TMEM143: variants seen among roughly 807,000 people sequenced by gnomAD.
The protein encoded by TMEM143 is transmembrane protein 143.
TMEM143 carries 45 observed loss-of-function variants against 40.3 expected under a neutral mutation model. The observed-to-expected ratio is 1.12, with a 90% CI of 0.88 to 1.43. The LOEUF (loss-of-function observed/expected upper bound fraction) is 1.43. Among genes scored for constraint, TMEM143 ranks in the 40% most tolerant of loss-of-function variants. The probability of loss-of-function intolerance (pLI) is 0.00; values close to 1 mark genes in which losing one functional copy is unlikely to be tolerated. For missense variants in TMEM143, 620 were observed against 613.4 expected (o/e 1.01, Z -0.11); for synonymous variants, 299 against 282.7 (o/e 1.06, Z -0.58).
At chr19:48,355,395 T>C (rs115601529) in intron 3 of TMEM143, among the ~76,000 whole-genome samples, 1,547 of 152,208 alleles carry the variant, frequency 0.01, 28 homozygotes, top group African/African-American at 0.035. Context: ...AGGTGCCCTG[T>C]GGAAGAGCTT....
chr19:48,339,247 T>C (rs565777096), intron 6 of TMEM143, among the ~76,000 whole-genome samples: 2 of 152,192 alleles, frequency 1.3e-5, no homozygotes, highest in South Asian at 4.1e-4. Flanking sequence ...AGGTCATCCT[T>C]AGATGCGGAG....
rs139696134 is a variant in TMEM143 at position 48,354,052 on chromosome 19, G to A, written c.369+6020C>T. On this transcript the variant is annotated intron_variant, in intron 3 of 7. Coordinates refer to ENST00000293261, the MANE Select transcript of TMEM143 (RefSeq NM_018273.4). ...TGGCTCACTGCAGCCTCCGCCTCCC[G>A]GGTTCAAGTAATTATCCTGCCTCAG... Among the ~76,000 whole-genome samples, 307 of 151,746 alleles carry A rather than the reference G, an allele frequency of 2.0e-3. 3 individuals are homozygous for A. Among genetic ancestry groups the A allele is most frequent in the African/African-American group, 7.1e-3 (294 of 41,292 alleles).
In TMEM143 at chr19:48,345,303, G is replaced by T; in HGVS notation, c.421C>A (p.Leu141Ile). The change falls in exon 4 of 8, where the codon CTA (leucine) becomes ATA (isoleucine). Residue 141 changes from leucine to isoleucine, a missense_variant. Physicochemically the swap from Leu to Ile is conservative, Grantham distance 5 (BLOSUM62 2). Transcript: ENST00000293261. Reference protein sequence around the residue: ...PDRETLDQPSLTDPQRLSNEQ... With the variant: ...PDRETLDQPSITDPQRLSNEQ... ...TTAGACAGACGCTGGGGATCCGTTA[G>T]TGATGGCTGATCGAGGGTCTCCCTG... 6.2e-7 allele frequency: 1 copy of T among 1,602,992 alleles called. No homozygotes were observed. The highest frequency in any genetic ancestry group is 8.5e-7 in the Non-Finnish European group (1 of 1,174,924).
intron 2 of TMEM143, 76 bp from the exon 3 acceptor site, chr19:48,360,252 C>A: frequency 3.6e-6 from 5 of 1,395,416 alleles, no homozygotes; most frequent in Admixed American, 1.9e-5. Flanking sequence ...TCCCTGGCTG[C>A]CTAACTACAC....
chr19:48,335,867 C>G (rs905154560), intron 6 of TMEM143, among the ~76,000 whole-genome samples: 1 of 152,092 alleles, frequency 6.6e-6, no homozygotes, highest in African/African-American at 2.4e-5. Flanking sequence ...GCACTCCAGG[C>G]TGGGCAACAG....
chr19:48,340,731 T>C (rs372406844), intron 6 of TMEM143, among the ~76,000 whole-genome samples: 6 of 152,036 alleles, frequency 3.9e-5, no homozygotes, highest in Admixed American at 3.3e-4. Flanking sequence ...CTGCCCTCCA[T>C]GGTTGCAGCT....
intron 3 of TMEM143, among the ~76,000 whole-genome samples, chr19:48,348,856 C>A (rs78372471): frequency 6.6e-6 from 1 of 152,270 alleles, no homozygotes; most frequent in African/African-American, 2.4e-5. Flanking sequence ...CCGTAAATCC[C>A]CTCGGTCACT....
At chr19:48,343,229 C>T (rs1256868219) in intron 5 of TMEM143, 92 bp downstream of exon 5, 1 of 1,469,628 alleles carries the variant, frequency 6.8e-7, no homozygotes, top group Non-Finnish European at 9.0e-7. Context: ...GCCTGGGGCC[C>T]AGACACCCAA....
chr19:48,347,623 C>T (rs1348665363), intron 3 of TMEM143, among the ~76,000 whole-genome samples: 7 of 148,162 alleles, frequency 4.7e-5, no homozygotes, highest in Non-Finnish European at 8.9e-5. Context: ...GTGGCATGAT[C>T]CCAGCTTACT....
intron 3 of TMEM143, among the ~76,000 whole-genome samples, chr19:48,357,129 G>C (rs993416542): frequency 3.3e-5 from 5 of 151,066 alleles, no homozygotes; most frequent in Admixed American, 1.3e-4. Flanking sequence ...GGTAATTTCT[G>C]TATTTGCAGT....
At chr19:48,344,900 G>A (rs1969585298) in intron 4 of TMEM143, among the ~76,000 whole-genome samples, 2 of 152,270 alleles carry the variant, frequency 1.3e-5, no homozygotes, top group South Asian at 4.2e-4. Flanking sequence ...TAGAGATGGG[G>A]TTTCACCATG....
rs758540238 is a variant in TMEM143 at position 48,342,850 on chromosome 19, C to T, written c.696-41G>A. 1.2e-5 allele frequency: 19 copies of T among 1,555,520 alleles called. No homozygotes were observed. In the Admixed American group the frequency reaches 2.7e-4, roughly 22 times the overall value. ...AGAGGCAGGAGCAGGATCGGGACTG[C>T]ACTGCCCGGGGAGCCCCCTCCAATC... On this transcript the variant is annotated intron_variant, in intron 5 of 7. Transcript: ENST00000293261.
At chr19:48,358,100 A>C (rs1969950417) in intron 3 of TMEM143, among the ~76,000 whole-genome samples, 2 of 152,112 alleles carry the variant, frequency 1.3e-5, no homozygotes, top group Admixed American at 1.3e-4. Context: ...ATTAAAAAAG[A>C]ATGGGCCAGG....
intron 3 of TMEM143, among the ~76,000 whole-genome samples, chr19:48,347,869 T>TTTA (rs374312252): frequency 0.014 from 2,088 of 146,322 alleles, 31 homozygotes; most frequent in Non-Finnish European, 0.02. Context: ...TTTTTTTTTT[T>TTTA]AATTAGCCAG....
intron 3 of TMEM143, 123 bp downstream of exon 3, chr19:48,359,949 G>A (rs1970000739): frequency 2.2e-6 from 2 of 901,068 alleles, no homozygotes; most frequent in Non-Finnish European, 3.4e-6. Flanking sequence ...CACCTGTCAT[G>A]TTCACTATTG....
chr19:48,333,286 T>A lies in TMEM143; in HGVS notation c.1313A>T (p.Lys438Ile), dbSNP rs767375327. Residue 438 changes from lysine (K) to isoleucine (I), a missense_variant, in exon 8 of 8, where the codon AAA becomes ATA. Transcript: ENST00000293261. This position sits in a 1 kb window ranked among gnomAD's most constrained non-coding sequence, Gnocchi z 4.1. ...MGLYPPPGFP[K>I]LDPVAPITSE... is the part of the protein sequence containing the mutation. ...AGTGATCGGAGCCACTGGGTCTAGT[T>A]TGGGGAAACCCGGGGGTGGGTACAA... 2 of 1,570,370 alleles carry A rather than the reference T, an allele frequency of 1.3e-6. No individual in the cohort carries two copies. The highest frequency in any genetic ancestry group is 1.7e-6 in the Non-Finnish European group (2 of 1,151,666).
At position 48,363,938 on chromosome 19, in the gene TMEM143, T is replaced by A; in HGVS notation, c.-18A>T. ...ACTGTCATTGAGCCTCCTGCGCATG[T>A]GCAGGAGGGCGTCCTGGGCTCCCGA... is the stretch of plus-strand genomic sequence containing the variant. On this transcript the variant is annotated 5_prime_UTR_variant, in exon 1 of 8. Transcript: ENST00000293261. The A allele has an allele frequency of 6.2e-7, 1 of 1,611,760 alleles. No homozygotes were observed. Among genetic ancestry groups the A allele is most frequent in the Non-Finnish European group, 8.5e-7 (1 of 1,178,938 alleles).
chr19:48,347,755 A>G (rs1969670644), intron 3 of TMEM143, among the ~76,000 whole-genome samples: 15 of 150,512 alleles, frequency 1.0e-4, no homozygotes, highest in Admixed American at 1.0e-3. Context: ...ACGGGGTTTC[A>G]CCATATTGGC....
At chr19:48,340,222 G>A (rs1271382303) in intron 6 of TMEM143, among the ~76,000 whole-genome samples, 2 of 147,592 alleles carry the variant, frequency 1.4e-5, no homozygotes, top group Non-Finnish European at 3.0e-5. Context: ...TGCCCCCTGG[G>A]TTCAAGTGAT....
Sources: gnomAD v4.1 joint callset for allele counts (sites outside exome capture counted in the v4.1 genomes callset) on GRCh38, gnomAD v4.1.1 for gene constraint, Gnocchi (gnomAD v3.1) non-coding constraint, MANE v1.5 for transcripts, NCBI Gene and HGNC (gene_info 2026-07-23, HGNC 2026-07-21) for gene names.